Variants in ABCC1 observed in about 807,000 individuals in gnomAD.
ABCC1 encodes ATP binding cassette subfamily C member 1 (ABCC1 blood group), also known as multidrug resistance-associated protein 1.
ABCC1 carries 83 observed loss-of-function variants against 172.9 expected under a neutral mutation model. The ratio of observed to expected loss-of-function variants is 0.48; its 90% CI spans 0.40 to 0.58. The LOEUF is 0.58. Among genes scored for constraint, ABCC1 ranks in the 20% least tolerant of loss-of-function variants. ABCC1 has a pLI of 0.00. For missense variants in ABCC1, 1,817 were observed against 2,002.7 expected (o/e 0.91, Z 1.77); for synonymous variants, 937 against 825.2 (o/e 1.14, Z -2.32).
intron 1 of ABCC1, among the ~76,000 whole-genome samples, chr16:15,954,332 T>A (rs1167793101): frequency 2.0e-5 from 3 of 152,028 alleles, no homozygotes; most frequent in African/African-American, 7.2e-5. Flanking sequence ...GCTCAGCCTG[T>A]TTTCCCCCTT....
intron 1 of ABCC1, 98 bp downstream of exon 1, chr16:15,949,897 G>C (rs1362435751): frequency 1.9e-6 from 2 of 1,057,466 alleles, no homozygotes; most frequent in African/African-American, 3.4e-5. Context: ...CCCGCTCCCC[G>C]CTCTGCTGCC....
intron 7 of ABCC1, among the ~76,000 whole-genome samples, chr16:16,037,101 CAA>C (rs767426927): frequency 2.9e-5 from 4 of 138,512 alleles, no homozygotes; most frequent in Admixed American, 7.4e-5. Context: ...GACTCCGTCT[CAA>C]AAAAAAAAAA....
chr16:15,987,754 G>A (rs954262336), intron 1 of ABCC1, among the ~76,000 whole-genome samples: 5 of 152,220 alleles, frequency 3.3e-5, no homozygotes, highest in Admixed American at 6.5e-5. Flanking sequence ...GTCCCGCACT[G>A]ACTGTCTCCT....
At chr16:16,038,099 A>G (rs1043176530) in intron 7 of ABCC1, among the ~76,000 whole-genome samples, 1 of 151,886 alleles carries the variant, frequency 6.6e-6, no homozygotes, top group Non-Finnish European at 1.5e-5. Flanking sequence ...TTGATAGATG[A>G]TAGGTAGATG....
intron 23 of ABCC1, among the ~76,000 whole-genome samples, chr16:16,115,536 G>C (rs1394580990): frequency 6.6e-6 from 1 of 152,014 alleles, no homozygotes; most frequent in African/African-American, 2.4e-5. Flanking sequence ...AGTAGAGACA[G>C]GGTTTCACCA....
At chr16:16,038,118 A>G (rs2048826779) in intron 7 of ABCC1, among the ~76,000 whole-genome samples, 1 of 151,988 alleles carries the variant, frequency 6.6e-6, no homozygotes, top group Admixed American at 6.6e-5. Flanking sequence ...TGATAGACGG[A>G]TAGTTGGTGG....
intron 21 of ABCC1, among the ~76,000 whole-genome samples, chr16:16,108,303 G>A (rs1157529842): frequency 6.8e-5 from 8 of 117,006 alleles, no homozygotes; most frequent in East Asian, 2.8e-4. Flanking sequence ...TTTTTGAGAC[G>A]AAGTCCTGCT....
chr16:16,062,473 A>C (rs1427302379), intron 12 of ABCC1, among the ~76,000 whole-genome samples: 3 of 152,114 alleles, frequency 2.0e-5, no homozygotes, highest in Admixed American at 6.5e-5. Context: ...CAGCCTCTGG[A>C]GTAGCTGGGA....
intron 12 of ABCC1, among the ~76,000 whole-genome samples, chr16:16,062,007 G>C (rs893122812): frequency 6.6e-6 from 1 of 152,010 alleles, no homozygotes; most frequent in South Asian, 2.1e-4. Context: ...TCCTGAGCTC[G>C]AGCAGTCCGC....
At chr16:16,102,100 C>T (rs1471729620) in intron 19 of ABCC1, among the ~76,000 whole-genome samples, 1 of 152,202 alleles carries the variant, frequency 6.6e-6, no homozygotes, top group Admixed American at 6.5e-5. Context: ...ACTCTTGGGA[C>T]CTCTCTGTGG....
At chr16:16,056,773 G>A (rs972786315) in intron 12 of ABCC1, among the ~76,000 whole-genome samples, 2 of 152,110 alleles carry the variant, frequency 1.3e-5, no homozygotes, top group African/African-American at 4.8e-5. Flanking sequence ...ACACTTAGCA[G>A]CTTCTAGCCA....
intron 4 of ABCC1, among the ~76,000 whole-genome samples, chr16:16,015,969 C>G (rs1185748388): frequency 6.6e-6 from 1 of 152,070 alleles, no homozygotes; most frequent in Non-Finnish European, 1.5e-5. Context: ...CTTGATACAG[C>G]TCTGTTTCAC....
At position 16,036,553 on chromosome 16, in the gene ABCC1, C is replaced by G; in HGVS notation, c.759C>G (p.Val253=). 5 of 1,614,074 alleles carry G rather than the reference C, an allele frequency of 3.1e-6. No homozygotes were observed. In the Admixed American group the frequency reaches 5.0e-5, roughly 16 times the overall value. ...SLNKEDTSEQ[V]VPVLVKNWKK... ...ACAAGGAGGACACGTCGGAACAAGT[C>G]GTGCCTGTTTTGGTAAAGAACTGGA... is the stretch of plus-strand genomic sequence containing the variant. Residue 253 remains valine (V), a synonymous_variant, in exon 7 of 31, where the codon GTC becomes GTG. Transcript: ENST00000399410.
At chr16:16,090,694 C>A in intron 19 of ABCC1, 106 bp downstream of exon 19, 1 of 1,296,890 alleles carries the variant, frequency 7.7e-7, no homozygotes, top group Non-Finnish European at 1.0e-6. Context: ...GGCGGCTCCT[C>A]AGGGCATGAG....
chr16:15,950,609 C>T (rs1332258981), intron 1 of ABCC1, among the ~76,000 whole-genome samples: 11 of 152,194 alleles, frequency 7.2e-5, no homozygotes, highest in Admixed American at 2.0e-4. Context: ...TGTCTGGAGT[C>T]CACTTGCTGT....
chr16:16,074,992 G>A (rs1415801417), intron 14 of ABCC1, among the ~76,000 whole-genome samples: 10 of 145,074 alleles, frequency 6.9e-5, no homozygotes, highest in African/African-American at 2.6e-4. Context: ...TGTTGCCCAG[G>A]CTGGAGTGCA....
intron 3 of ABCC1, 87 bp from the exon 4 acceptor site, chr16:16,014,404 A>G (rs989339400): frequency 1.0e-5 from 15 of 1,466,230 alleles, no homozygotes; most frequent in African/African-American, 1.4e-5. Context: ...CTGAGATTGC[A>G]CCACTGCGCT....
chr16:16,132,507 G>GTTTTTTT (rs1379143382), intron 27 of ABCC1, among the ~76,000 whole-genome samples: 4 of 75,062 alleles, frequency 5.3e-5, no homozygotes, highest in South Asian at 4.1e-4. Flanking sequence ...TTTTTGGTTG[G>GTTTTTTT]TTGTTTTTTT....
At chr16:15,993,752 G>A (rs527973279) in intron 1 of ABCC1, among the ~76,000 whole-genome samples, 8 of 151,610 alleles carry the variant, frequency 5.3e-5, no homozygotes, top group African/African-American at 1.5e-4. Context: ...GCTCACATGC[G>A]GGGGTGGGTG....
Sources: allele counts gnomAD v4.1 joint callset (sites outside exome capture counted in the v4.1 genomes callset), GRCh38; gene constraint gnomAD v4.1.1; transcripts MANE v1.5; gene names NCBI Gene and HGNC (gene_info 2026-07-23, HGNC 2026-07-21).